HYOU1: variants seen among roughly 807,000 people sequenced by gnomAD.
The protein encoded by HYOU1 is hypoxia up-regulated protein 1.
Under a neutral mutation model 120.5 loss-of-function variants are expected in HYOU1, and 40 were observed. The observed-to-expected ratio is 0.33, with a 90% CI of 0.26 to 0.43. The LOEUF is 0.43. Ranked by LOEUF, HYOU1 falls within the 20% of genes least tolerant of loss-of-function variation. The pLI is 1.00. For synonymous variants in HYOU1, 501 were observed against 479.4 expected (o/e 1.05, Z -0.59); for missense variants, 1,085 against 1,278.3 (o/e 0.85, Z 2.31).
At position 119,052,372 on chromosome 11, in the gene HYOU1, C is replaced by G; in HGVS notation, c.1045G>C (p.Glu349Gln). 6.2e-7 allele frequency: 1 copy of G among 1,614,244 alleles called. No individual in the cohort carries two copies. Among genetic ancestry groups the G allele is most frequent in the Non-Finnish European group, 8.5e-7 (1 of 1,180,038 alleles). ...FKAKVTRVEF[E>Q]ELCADLFERV... ...TCAAACAAGTCTGCACACAACTCCT[C>G]AAATTCCACACGAGTCACTTTTGCC... Residue 349 changes from glutamate to glutamine, a missense_variant, in exon 10 of 26, where the codon GAG (glutamate) becomes CAG (glutamine). Coordinates refer to ENST00000617285, the MANE Select transcript of HYOU1 (RefSeq NM_006389.5). The surrounding 1 kb of genome is among the most constrained non-coding windows in gnomAD (Gnocchi z 5.0).
intron 8 of HYOU1, 29 bp downstream of exon 8, chr11:119,054,092 G>A (rs2133602594): frequency 7.0e-7 from 1 of 1,433,680 alleles, no homozygotes; most frequent in Non-Finnish European, 9.8e-7. Flanking sequence ...GTCTTCACAA[G>A]CAGCCCTCCC....
chr11:119,045,056 G>A lies in HYOU1; in HGVS notation c.*537C>T. 1 of 441,022 alleles carries A rather than the reference G, an allele frequency of 2.3e-6. No individual in the cohort carries two copies. The highest frequency in any genetic ancestry group is 1.6e-5 in the South Asian group (1 of 64,242). 27.3% of individuals were successfully genotyped at this position (441,022 alleles called of 1,614,324 possible). On this transcript the variant is annotated 3_prime_UTR_variant, in exon 26 of 26. Coordinates refer to ENST00000617285, the MANE Select transcript of HYOU1 (RefSeq NM_006389.5). ...GGGAAAGGAGCTGGATGGGAATGGGGAAGGGAGGCTCAGAGCAAGAGAAGC... is the reference window on the plus strand; with the variant it reads ...GGGAAAGGAGCTGGATGGGAATGGGAAAGGGAGGCTCAGAGCAAGAGAAGC...
rs2133591131 is a variant in HYOU1, at chr11:119,052,198, C to A, written c.1123-26G>T. ...CTGCAGTGGGTAAGAATGACAGGTG[C>A]AACAGCATGCAGTTAGCACTGACTC... On this transcript the variant is annotated intron_variant, in intron 10 of 25. Coordinates refer to ENST00000617285, the MANE Select transcript of HYOU1 (RefSeq NM_006389.5). This position sits in a 1 kb window ranked among gnomAD's most constrained non-coding sequence, Gnocchi z 5.0. 1 of 1,613,844 alleles carries A rather than the reference C, an allele frequency of 6.2e-7. No individual in the cohort carries two copies. Among genetic ancestry groups the A allele is most frequent in the Non-Finnish European group, 8.5e-7 (1 of 1,179,870 alleles).
In HYOU1 at chr11:119,052,547, A is replaced by G; in HGVS notation, c.987+90T>C. On this transcript the variant is annotated intron_variant, in intron 9 of 25. Transcript: ENST00000617285. The surrounding 1 kb of genome is among the most constrained non-coding windows in gnomAD (Gnocchi z 5.0). ...GATGGTAGCGGGAGGAGCATGGGCC[A>G]TGCCAGGCACGAGCAGCCCAGTTCA... is the stretch of plus-strand genomic sequence containing the variant. The G allele has an allele frequency of 1.3e-6, 2 of 1,574,022 alleles. No individual in the cohort carries two copies. Among genetic ancestry groups the G allele is most frequent in the Non-Finnish European group, 1.7e-6 (2 of 1,154,800 alleles).
At chr11:119,047,397 C>A in intron 22 of HYOU1, 1 of 291,456 alleles carries the variant, frequency 3.4e-6, no homozygotes. Flanking sequence ...CTCAAGAGTC[C>A]CCACACATCC....
In HYOU1 at chr11:119,048,511, C is replaced by A. The variant is rs1321972255; in HGVS notation, c.2218G>T (p.Ala740Ser). The A allele has an allele frequency of 6.2e-7, 1 of 1,614,070 alleles. No individual in the cohort carries two copies. Among genetic ancestry groups the A allele is most frequent in the Non-Finnish European group, 8.5e-7 (1 of 1,180,024 alleles). ...DLEKQEREKA[A>S]NSLEAFIFET... ...AATATGAATGCTTCCAAGCTGTTGG[C>A]AGCTTTTTCCCGTTCCTGCTTCTCC... The change falls in exon 19 of 26, where the codon GCC (alanine) becomes TCC (serine). Residue 740 changes from alanine to serine, a missense_variant. Physicochemically the swap from Ala to Ser is moderately conservative, Grantham distance 99. Transcript: ENST00000617285. This position sits in a 1 kb window ranked among gnomAD's most constrained non-coding sequence, Gnocchi z 4.7.
Position 119,048,415 on chromosome 11 carries a change from G to A in HYOU1, c.2254-45C>T, listed in dbSNP as rs1429900350. 5 of 1,611,708 alleles carry A rather than the reference G, an allele frequency of 3.1e-6. No homozygotes were observed. The Admixed American group carries it at 6.7e-5, about 21-fold the overall frequency. On this transcript the variant is annotated intron_variant, in intron 19 of 25. Transcript: ENST00000617285. This position sits in a 1 kb window ranked among gnomAD's most constrained non-coding sequence, Gnocchi z 4.7. ...AACACATGCACCCACAAGCCCAGAG[G>A]CAAGGCCCACAGAGCCAGGTGTAAG...
rs1390539927 is a variant in HYOU1, at chr11:119,051,484, G to A, written c.1480C>T (p.His494Tyr). 15 of 1,613,990 alleles carry A rather than the reference G, an allele frequency of 9.3e-6. No homozygotes were observed. The highest frequency in any genetic ancestry group is 1.3e-5 in the Non-Finnish European group (15 of 1,180,024). ...AAGCCCAGGTCGCCGTAGTTGATGT[G>A]GAAGTTGAAATCATGGCTGTAGCGG... The part of the protein sequence containing the change: ...FNRYSHDFNF[H>Y]INYGDLGFLG... The change falls in exon 13 of 26, where the codon CAC (histidine) becomes TAC (tyrosine). Residue 494 changes from histidine to tyrosine, a missense_variant. Transcript: ENST00000617285. The surrounding 1 kb of genome is among the most constrained non-coding windows in gnomAD (Gnocchi z 4.2).
Position 119,055,187 on chromosome 11 carries a change from G to A in HYOU1, c.417C>T (p.Ser139=). 2 of 1,613,208 alleles carry A rather than the reference G, an allele frequency of 1.2e-6. No individual in the cohort carries two copies. Among genetic ancestry groups the A allele is most frequent in the Non-Finnish European group, 1.7e-6 (2 of 1,179,348 alleles). The part of the protein sequence containing the change: ...PQRQTVHFQI[S]SQLQFSPEEV... ...ACCTTCCCCAACAGAGCACTCACGA[G>A]CTGATCTGAAAGTGCACAGTCTGCC... The change falls in exon 5 of 26, where the codon AGC becomes AGT. Residue 139 remains serine, a splice_region_variant and synonymous_variant. Coordinates refer to ENST00000617285, the MANE Select transcript of HYOU1 (RefSeq NM_006389.5). This position sits in a 1 kb window ranked among gnomAD's most constrained non-coding sequence, Gnocchi z 4.0.
chr11:119,053,878 G>A (rs2133601604), intron 8 of HYOU1: 6 of 427,258 alleles, frequency 1.4e-5, no homozygotes, highest in African/African-American at 6.1e-5. Flanking sequence ...ATTGCCTGCG[G>A]CTCCATGGAT....
At chr11:119,054,317 G>T in intron 7 of HYOU1, 81 bp from the exon 8 acceptor site, 1 of 1,256,754 alleles carries the variant, frequency 8.0e-7, no homozygotes, top group Non-Finnish European at 1.2e-6. Context: ...TGCTTCCAAT[G>T]GGCTGTCTGA....
At chr11:119,056,260 A>C in intron 1 of HYOU1, 93 bp from the exon 2 acceptor site, 1 of 878,422 alleles carries the variant, frequency 1.1e-6, no homozygotes, top group Non-Finnish European at 1.8e-6. Flanking sequence ...TGTAAGATTC[A>C]TATCTACTTC....
At position 119,056,104 on chromosome 11, in the gene HYOU1, C is replaced by T; in HGVS notation, c.57G>A (p.Val19=). Reference sequence around the variant, plus strand: ...CCAACAGGTCTGCCAAGAGCACAGCCACCAAGGCCCAACAGACTCGCCTCC... The same window carrying T: ...CCAACAGGTCTGCCAAGAGCACAGCTACCAAGGCCCAACAGACTCGCCTCC... ...RPRRRVCWAL[V]AVLLADLLAL... is the part of the protein sequence containing the mutation. The change falls in exon 2 of 26, where the codon GTG becomes GTA. Residue 19 remains valine, a synonymous_variant. Coordinates refer to ENST00000617285, the MANE Select transcript of HYOU1 (RefSeq NM_006389.5). 6.2e-7 allele frequency: 1 copy of T among 1,614,154 alleles called. No homozygotes were observed. Among genetic ancestry groups the T allele is most frequent in the Non-Finnish European group, 8.5e-7 (1 of 1,180,038 alleles).
chr11:119,046,516 T>A (rs2133550608), intron 23 of HYOU1, 46 bp downstream of exon 23: 1 of 1,614,162 alleles, frequency 6.2e-7, no homozygotes, highest in East Asian at 2.2e-5. Flanking sequence ...GAAAGGAGGC[T>A]GTCTCCCTGT....
Position 119,045,889 on chromosome 11 carries a change from G to A in HYOU1, c.2888-58C>T, listed in dbSNP as rs1592130254. 9.0e-6 allele frequency: 14 copies of A among 1,561,652 alleles called. No homozygotes were observed. In the South Asian group the frequency reaches 1.5e-4, roughly 17 times the overall value. On this transcript the variant is annotated intron_variant, in intron 24 of 25. Transcript: ENST00000617285. ...GAAGGGAGGAAGAGGCTAAGGGAAG[G>A]CTGGGCCAGTTTTTCCATGAAGAGC...
Position 119,052,880 on chromosome 11 carries a change from G to A in HYOU1, c.795-51C>T, listed in dbSNP as rs2133596540. 10 of 1,520,032 alleles carry A rather than the reference G, an allele frequency of 6.6e-6. No homozygotes were observed. Among genetic ancestry groups the A allele is most frequent in the South Asian group, 2.5e-5 (2 of 81,588 alleles). 94.2% of individuals were successfully genotyped at this position (1,520,032 alleles called of 1,614,324 possible). On this transcript the variant is annotated intron_variant, in intron 8 of 25. Coordinates refer to ENST00000617285, the MANE Select transcript of HYOU1 (RefSeq NM_006389.5). The surrounding 1 kb of genome is among the most constrained non-coding windows in gnomAD (Gnocchi z 5.0). ...AAAGTGAAGAACACATGGAGTCCCC[G>A]CATCTGCACAGGAGCCTCTCATCCC...
intron 1 of HYOU1, among the ~76,000 whole-genome samples, chr11:119,056,590 G>A (rs999577051): frequency 3.9e-5 from 6 of 152,264 alleles, no homozygotes; most frequent in African/African-American, 1.4e-4. Context: ...GGGAAAGCCA[G>A]CTGGGCCTGG....
rs2133567765 is a variant in HYOU1, at chr11:119,048,844, G to A, written c.2035C>T (p.Pro679Ser). 1.9e-6 allele frequency: 3 copies of A among 1,613,564 alleles called. No individual in the cohort carries two copies. Among genetic ancestry groups the A allele is most frequent in the Non-Finnish European group, 1.7e-6 (2 of 1,179,800 alleles). The change falls in exon 18 of 26, where the codon CCA becomes TCA. Residue 679 changes from proline to serine, a missense_variant. Physicochemically the swap from Pro to Ser is moderately conservative, Grantham distance 74 (BLOSUM62 -1). Transcript: ENST00000617285. This position sits in a 1 kb window ranked among gnomAD's most constrained non-coding sequence, Gnocchi z 4.7. ...KAEAGPEGVA[P>S]APEGEKKQKP... ...TGCTTCTTCTCTCCCTCTGGGGCTG[G>A]AGCGACGCCCTCAGGCCCTGCCTCT...
Position 119,048,096 on chromosome 11 carries a change from T to C in HYOU1, c.2377-16A>G. On this transcript the variant is annotated splice_polypyrimidine_tract_variant and intron_variant, in intron 20 of 25. Coordinates refer to ENST00000617285, the MANE Select transcript of HYOU1 (RefSeq NM_006389.5). The surrounding 1 kb of genome is among the most constrained non-coding windows in gnomAD (Gnocchi z 4.7). Reference sequence around the variant, plus strand: ...CCTTCAACATCTGATGGATGTGCGATTGGGCAGAGGGGTGGAAGGGACGAC... The same window carrying C: ...CCTTCAACATCTGATGGATGTGCGACTGGGCAGAGGGGTGGAAGGGACGAC... The C allele has an allele frequency of 1.2e-6, 2 of 1,613,866 alleles. No individual in the cohort carries two copies. Among genetic ancestry groups the C allele is most frequent in the Non-Finnish European group, 1.7e-6 (2 of 1,180,032 alleles).
Sources: gnomAD v4.1 joint callset for allele counts (sites outside exome capture counted in the v4.1 genomes callset) on GRCh38, gnomAD v4.1.1 for gene constraint, Gnocchi (gnomAD v3.1) non-coding constraint, MANE v1.5 for transcripts, NCBI Gene and HGNC (gene_info 2026-07-23, HGNC 2026-07-21) for gene names.